The following PIK3R4 variants were observed in gnomAD, a reference collection of about 807,000 sequenced individuals.
The protein encoded by PIK3R4 is phosphoinositide-3-kinase regulatory subunit 4, also known as phosphoinositide 3-kinase regulatory subunit 4.
In PIK3R4, 46 loss-of-function variants were observed where a neutral mutation model predicts 136.5. The observed-to-expected ratio is 0.34, with a 90% CI of 0.27 to 0.43. PIK3R4 has a LOEUF of 0.43. Ranked by LOEUF, PIK3R4 falls within the 20% of genes least tolerant of loss-of-function variation. The pLI is 1.00. For missense variants in PIK3R4, 1,331 were observed against 1,649.5 expected (o/e 0.81, Z 3.35); for synonymous variants, 557 against 566.7 (o/e 0.98, Z 0.24).
intron 9 of PIK3R4, among the ~76,000 whole-genome samples, chr3:130,714,284 G>C (rs1468150693): frequency 6.6e-6 from 1 of 152,138 alleles, no homozygotes; most frequent in African/African-American, 2.4e-5. Context: ...ATGGCTCATA[G>C]AGCATATATT....
Position 130,681,047 on chromosome 3 carries a change from G to T in PIK3R4, c.3727C>A (p.His1243Asn). 1 of 1,585,310 alleles carries T rather than the reference G, an allele frequency of 6.3e-7. No individual in the cohort carries two copies. Among genetic ancestry groups the T allele is most frequent in the Non-Finnish European group, 8.7e-7 (1 of 1,153,886 alleles). The change falls in exon 18 of 20, where the codon CAT (histidine) becomes AAT (asparagine). Residue 1243 changes from histidine to asparagine, a missense_variant. Transcript: ENST00000356763. ...SELQPSPHSV[H>N]GIYCSPADGN... ...TCTGCAGGACTACAGTAGATACCAT[G>T]GACGCTATGAGGAGAAGGCTTAAAA...
intron 14 of PIK3R4, among the ~76,000 whole-genome samples, chr3:130,689,364 T>C (rs1040952126): frequency 6.6e-6 from 1 of 152,198 alleles, no homozygotes; most frequent in Non-Finnish European, 1.5e-5. Context: ...TTAAATAATT[T>C]ACATGAAACT....
chr3:130,681,019 C>T lies in PIK3R4; in HGVS notation c.3755G>A (p.Gly1252Glu). The T allele has an allele frequency of 1.3e-6, 2 of 1,595,654 alleles. No homozygotes were observed. The highest frequency in any genetic ancestry group is 8.6e-7 in the Non-Finnish European group (1 of 1,166,142). Residue 1252 changes from glycine to glutamate, a missense_variant, in exon 18 of 20, where the codon GGA becomes GAA. Physicochemically the swap from Gly to Glu is moderately conservative, Grantham distance 98 (BLOSUM62 -2). This residue lies in a region of PIK3R4 where 1,180 missense variants were observed against 1,407.0 expected (regional missense o/e 0.84). Transcript: ENST00000356763. The stretch of plus-strand genomic sequence containing the variant: ...GCCAGCTGTTAGTAGGATAGGATTT[C>T]CATCTGCAGGACTACAGTAGATACC... ...VHGIYCSPAD[G>E]NPILLTAGSD...
At chr3:130,729,163 T>G (rs72998240) in intron 5 of PIK3R4, among the ~76,000 whole-genome samples, 2,327 of 152,330 alleles carry the variant, frequency 0.015, 81 homozygotes, top group African/African-American at 0.052. Context: ...TTACTTCATC[T>G]GGCCACTGTC....
chr3:130,699,357 C>A (rs1165792560), intron 13 of PIK3R4, among the ~76,000 whole-genome samples: 1 of 152,148 alleles, frequency 6.6e-6, no homozygotes, highest in African/African-American at 2.4e-5. Context: ...CCAGCTGGCA[C>A]AGAGGTCAAA....
intron 13 of PIK3R4, among the ~76,000 whole-genome samples, chr3:130,695,123 A>G (rs2066539406): frequency 6.6e-6 from 1 of 152,080 alleles, no homozygotes; most frequent in East Asian, 1.9e-4. Context: ...CCTAAGAAAA[A>G]TTGTACTTGG....
intron 13 of PIK3R4, among the ~76,000 whole-genome samples, chr3:130,695,790 T>C (rs2066542694): frequency 6.6e-6 from 1 of 152,144 alleles, no homozygotes; most frequent in African/African-American, 2.4e-5. Flanking sequence ...ACAGTATACA[T>C]AAGGTTTGGT....
At chr3:130,736,036 G>A (rs1451070437) in intron 2 of PIK3R4, 34 bp from the exon 3 acceptor site, 5 of 1,552,280 alleles carry the variant, frequency 3.2e-6, no homozygotes, top group South Asian at 2.4e-5. Context: ...TGTTAGAAAA[G>A]AGATAAAAAA....
intron 14 of PIK3R4, among the ~76,000 whole-genome samples, chr3:130,689,960 A>G (rs75461246): frequency 0.21 from 31,211 of 152,070 alleles, 3,435 homozygotes; most frequent in South Asian, 0.36. Flanking sequence ...TATAAAAAAT[A>G]AACATTCTTA....
intron 6 of PIK3R4, among the ~76,000 whole-genome samples, chr3:130,727,248 T>A (rs1340344064): frequency 6.7e-6 from 1 of 148,716 alleles, no homozygotes; most frequent in Non-Finnish European, 1.5e-5. Flanking sequence ...TGAGACGGAG[T>A]CTCGCTCTTT....
At chr3:130,727,601 A>G (rs2066740558) in intron 6 of PIK3R4, among the ~76,000 whole-genome samples, 1 of 152,242 alleles carries the variant, frequency 6.6e-6, no homozygotes, top group South Asian at 2.1e-4. Context: ...AATAGTCTTT[A>G]AACTTTTCGG....
At position 130,706,951 on chromosome 3, in the gene PIK3R4, T is replaced by G. The variant is rs748861228; in HGVS notation, c.2718A>C (p.Ser906=). ...TACTGACTGGGTGACACAGTACCTG[T>G]GAAGAAGTTGACAAAGGGACACAAA... ...AGICVPLSTS[S]QVPEVTTVQN... The change falls in exon 11 of 20, where the codon TCA becomes TCC. Residue 906 remains serine, a synonymous_variant. Transcript: ENST00000356763. 1.2e-6 allele frequency: 2 copies of G among 1,607,318 alleles called. No individual in the cohort carries two copies. Among genetic ancestry groups the G allele is most frequent in the Non-Finnish European group, 1.7e-6 (2 of 1,177,198 alleles).
At chr3:130,731,472 C>A (rs936673499) in intron 4 of PIK3R4, among the ~76,000 whole-genome samples, 1 of 152,100 alleles carries the variant, frequency 6.6e-6, no homozygotes, top group Admixed American at 6.5e-5. Context: ...TCTAAGTAAG[C>A]AAGATGTAAA....
At chr3:130,690,399 T>C (rs2066510017) in intron 14 of PIK3R4, 91 bp downstream of exon 14, 2 of 645,492 alleles carry the variant, frequency 3.1e-6, no homozygotes, top group South Asian at 4.7e-5. Flanking sequence ...AGGCCCTTAG[T>C]TGATCCCAAC....
chr3:130,678,974 A>ATGTGTT lies in PIK3R4; in HGVS notation c.*335_*340dup. On this transcript the variant is annotated 3_prime_UTR_variant, in exon 20 of 20. Coordinates refer to ENST00000356763, the MANE Select transcript of PIK3R4 (RefSeq NM_014602.3). ...TTGAATAGCATTTTTAATAGCAAAAATGTGTTTATACTATAATAGCTTACA... is the reference window on the plus strand; with the variant it reads ...TTGAATAGCATTTTTAATAGCAAAAATGTGTTTGTGTTTATACTATAATAGCTTACA... The ATGTGTT allele has an allele frequency of 6.4e-6, 1 of 156,134 alleles. No individual in the cohort carries two copies. The highest frequency in any genetic ancestry group is 6.5e-5 in the Admixed American group (1 of 15,474). The allele number at this position is 156,134 out of a possible 1,614,324, so 9.7% of individuals were successfully genotyped here.
chr3:130,736,219 T>C (rs776796461), intron 2 of PIK3R4, among the ~76,000 whole-genome samples: 1 of 152,180 alleles, frequency 6.6e-6, no homozygotes, highest in Non-Finnish European at 1.5e-5. Context: ...AGAAGAGCCA[T>C]ACAATTTTTC....
At position 130,744,823 on chromosome 3, in the gene PIK3R4, G is replaced by T; in HGVS notation, c.396C>A (p.Ile132=). The T allele has an allele frequency of 6.2e-7, 1 of 1,614,208 alleles. No homozygotes were observed. Among genetic ancestry groups the T allele is most frequent in the Non-Finnish European group, 8.5e-7 (1 of 1,180,038 alleles). ...NIEKRWIAFQ[I]LTAVDQAHKS... is the part of the protein sequence containing the mutation. ...TGTGTGCTTGGTCCACAGCTGTCAG[G>T]ATCTGGAAAGCAATCCAGCGCTTCT... The change falls in exon 2 of 20, where the codon ATC becomes ATA. Residue 132 remains isoleucine (I), a synonymous_variant. Coordinates refer to ENST00000356763, the MANE Select transcript of PIK3R4 (RefSeq NM_014602.3).
At chr3:130,745,503 C>A (rs931566084) in intron 1 of PIK3R4, among the ~76,000 whole-genome samples, 1 of 152,168 alleles carries the variant, frequency 6.6e-6, no homozygotes, top group African/African-American at 2.4e-5. Flanking sequence ...CCTGCTATTG[C>A]GCATCGCCAT....
In PIK3R4 at chr3:130,744,769, C is replaced by G. The variant is rs564555017; in HGVS notation, c.450G>C (p.Lys150Asn). The G allele has an allele frequency of 6.2e-7, 1 of 1,614,246 alleles. No homozygotes were observed. The highest frequency in any genetic ancestry group is 2.2e-5 in the East Asian group (1 of 44,884). The change falls in exon 2 of 20, where the codon AAG becomes AAC. Residue 150 changes from lysine to asparagine, a missense_variant. This residue lies in a region of PIK3R4 where 151 missense variants were observed against 242.5 expected (regional missense o/e 0.62). Transcript: ENST00000356763. Reference sequence around the variant, plus strand: ...AACTGGTGACCATCACATTCTCAGTCTTGATGTCCCCATGACGAACTCCAG... The same window carrying G: ...AACTGGTGACCATCACATTCTCAGTGTTGATGTCCCCATGACGAACTCCAG... ...HKSGVRHGDI[K>N]TENVMVTSWN... is the part of the protein sequence containing the mutation.
Sources: gnomAD v4.1 joint callset for allele counts (sites outside exome capture counted in the v4.1 genomes callset) on GRCh38, gnomAD v4.1.1 for gene constraint, gnomAD v4.1.1 regional missense constraint, MANE v1.5 for transcripts, NCBI Gene and HGNC (gene_info 2026-07-23, HGNC 2026-07-21) for gene names.